The following UNC13C variants were observed in gnomAD, a reference collection of about 807,000 sequenced individuals.
UNC13C encodes protein unc-13 homolog C.
In UNC13C, 174 loss-of-function variants were observed where a neutral mutation model predicts 245.4. The observed-to-expected ratio is 0.71, with a 90% CI of 0.63 to 0.80. The LOEUF (loss-of-function observed/expected upper bound fraction) is 0.80. UNC13C is among the 30% of genes least tolerant of loss of function. UNC13C has a pLI of 0.00. For missense variants in UNC13C, 2,829 were observed against 2,602.9 expected (o/e 1.09, Z -1.89); for synonymous variants, 992 against 895.1 (o/e 1.11, Z -1.93).
the UNC13C span, among the ~76,000 whole-genome samples, chr15:53,841,701 T>C: frequency 3.3e-5 from 5 of 152,086 alleles, no homozygotes; most frequent in African/African-American, 7.2e-5. Context: ...AGATCTGTAG[T>C]TGTATTTTTA....
At chr15:54,489,893 T>G (rs1273391391) in intron 19 of UNC13C, among the ~76,000 whole-genome samples, 2 of 152,242 alleles carry the variant, frequency 1.3e-5, no homozygotes, top group Non-Finnish European at 2.9e-5. Flanking sequence ...AGATCAGACT[T>G]GTATCACCAA....
intron 19 of UNC13C, among the ~76,000 whole-genome samples, chr15:54,448,094 T>C (rs1890934389): frequency 1.3e-5 from 2 of 152,216 alleles, no homozygotes. Context: ...TTGAGTGAGT[T>C]TCTTAATCCT....
intron 13 of UNC13C, among the ~76,000 whole-genome samples, chr15:54,314,822 A>C (rs768828681): frequency 5.9e-5 from 9 of 151,788 alleles, no homozygotes; most frequent in Non-Finnish European, 1.2e-4. Context: ...ACATTGTCAA[A>C]GTCAGGCTGA....
At chr15:54,186,296 C>A (rs1053765180) in intron 4 of UNC13C, among the ~76,000 whole-genome samples, 1 of 152,166 alleles carries the variant, frequency 6.6e-6, no homozygotes. Flanking sequence ...GCCAGAACTT[C>A]CAACACTATG....
At chr15:54,045,825 A>G (rs947578658) in intron 2 of UNC13C, among the ~76,000 whole-genome samples, 17 of 152,350 alleles carry the variant, frequency 1.1e-4, no homozygotes, top group African/African-American at 4.1e-4. Context: ...TCTTGCTTGA[A>G]TTGATAATTA....
chr15:54,133,255 G>A (rs955690845), intron 2 of UNC13C, among the ~76,000 whole-genome samples: 12 of 152,064 alleles, frequency 7.9e-5, no homozygotes, highest in African/African-American at 2.4e-4. Flanking sequence ...CGTAGATTAC[G>A]TTCAGATTTA....
chr15:54,207,162 G>A (rs1391015874), intron 4 of UNC13C, among the ~76,000 whole-genome samples: 1 of 151,766 alleles, frequency 6.6e-6, no homozygotes, highest in African/African-American at 2.4e-5. Flanking sequence ...TAATTACAAG[G>A]ATTTGAATGT....
chr15:54,557,821 C>T (rs78777434), intron 29 of UNC13C, among the ~76,000 whole-genome samples: 9,460 of 151,914 alleles, frequency 0.062, 398 homozygotes, highest in Admixed American at 0.13. Flanking sequence ...CTCTTATGTA[C>T]GTGCATCATT....
intron 1 of UNC13C, among the ~76,000 whole-genome samples, chr15:53,996,007 A>G (rs1774062264): frequency 6.6e-6 from 1 of 152,126 alleles, no homozygotes; most frequent in Admixed American, 6.6e-5. Context: ...TTTTTTGTTT[A>G]CAACATGGAA....
At chr15:54,546,949 A>G in intron 27 of UNC13C, 104 bp downstream of exon 27, 1 of 1,081,872 alleles carries the variant, frequency 9.2e-7, no homozygotes, top group Non-Finnish European at 1.3e-6. Context: ...CTTTGGGGAA[A>G]AAGTGTTTGG....
intron 4 of UNC13C, among the ~76,000 whole-genome samples, chr15:54,214,230 G>T (rs2034971315): frequency 6.6e-6 from 1 of 151,896 alleles, no homozygotes; most frequent in Admixed American, 6.6e-5. Context: ...GGCTCTAGTT[G>T]TCTGTGAATA....
chr15:54,377,995 A>G (rs2039643012), intron 17 of UNC13C, among the ~76,000 whole-genome samples: 1 of 152,136 alleles, frequency 6.6e-6, no homozygotes, highest in Non-Finnish European at 1.5e-5. Context: ...ATTTTTAGAT[A>G]CAGTATGGGA....
intron 10 of UNC13C, among the ~76,000 whole-genome samples, chr15:54,269,420 A>G (rs2140898183): frequency 6.6e-6 from 1 of 152,314 alleles, no homozygotes; most frequent in African/African-American, 2.4e-5. Flanking sequence ...TATGAGAGCC[A>G]ACATAGGGCA....
chr15:54,585,159 A>T (rs925042373), intron 30 of UNC13C, among the ~76,000 whole-genome samples: 50 of 152,046 alleles, frequency 3.3e-4, no homozygotes, highest in African/African-American at 1.1e-3. Flanking sequence ...TCCAAATCTC[A>T]TGTTGAAATG....
intron 10 of UNC13C, among the ~76,000 whole-genome samples, chr15:54,267,695 AT>A (rs1364578235): frequency 2.6e-5 from 4 of 151,638 alleles, no homozygotes; most frequent in Non-Finnish European, 4.4e-5. Flanking sequence ...CTTTTAAAAT[AT>A]TTTTTCAACT....
rs2141054796 is a variant in UNC13C at position 54,051,803 on chromosome 15, C to T, written c.2983+35917C>T. On this transcript the variant is annotated intron_variant, in intron 2 of 32. Coordinates refer to ENST00000260323, the MANE Select transcript of UNC13C (RefSeq NM_001080534.3). ...TACTTTAAGTTTTTGGGTACATGTG[C>T]ACATTGTGCAGGTTAGTTACATATG... Among the ~76,000 whole-genome samples the T allele has an allele frequency of 1.3e-5, 2 of 149,366 alleles. 1 individual carries two copies. The highest frequency in any genetic ancestry group is 4.3e-4 in the South Asian group (2 of 4,688).
the UNC13C span, among the ~76,000 whole-genome samples, chr15:53,860,213 T>G: frequency 6.6e-6 from 1 of 152,176 alleles, no homozygotes; most frequent in Non-Finnish European, 1.5e-5. Flanking sequence ...CTTTAATAAT[T>G]TATTGAGGTT....
the UNC13C span, among the ~76,000 whole-genome samples, chr15:53,906,428 T>C: frequency 6.6e-6 from 1 of 152,326 alleles, no homozygotes; most frequent in East Asian, 1.9e-4. Flanking sequence ...CACAAAATTA[T>C]GACACTCAGC....
intron 4 of UNC13C, among the ~76,000 whole-genome samples, chr15:54,160,348 T>C (rs1223973121): frequency 6.7e-6 from 1 of 150,124 alleles, no homozygotes; most frequent in Non-Finnish European, 1.5e-5. Context: ...CTAGACTGAA[T>C]GATTAAGAAA....
Sources: gnomAD v4.1 joint callset for allele counts (sites outside exome capture counted in the v4.1 genomes callset) on GRCh38, gnomAD v4.1.1 for gene constraint, MANE v1.5 for transcripts, NCBI Gene and HGNC (gene_info 2026-07-23, HGNC 2026-07-21) for gene names.